MAFG: variants seen among roughly 807,000 people sequenced by gnomAD.
MAFG encodes the protein MAF bZIP transcription factor G, also known as transcription factor MafG.
MAFG carries 3 observed loss-of-function variants against 12.2 expected under a neutral mutation model. That is an observed-to-expected ratio of 0.25 (90% CI 0.11 to 0.64). The LOEUF is 0.64. MAFG is among the 30% of genes least tolerant of loss of function. The probability of loss-of-function intolerance (pLI) is 0.85; values close to 1 mark genes in which losing one functional copy is unlikely to be tolerated. For missense variants in MAFG, 153 were observed against 235.5 expected, an observed-to-expected ratio of 0.65 and a Z score of 2.29; for synonymous variants, 126 against 109.1, an observed-to-expected ratio of 1.15 and a Z score of -0.96.
rs770074111 is a variant in MAFG at position 81,922,842 on chromosome 17, C to T, written c.252G>A (p.Ala84=). Residue 84 remains alanine (A), a synonymous_variant, in exon 3 of 3, where the codon GCG becomes GCA. Coordinates refer to ENST00000357736, the MANE Select transcript of MAFG (RefSeq NM_002359.4). ...GCTTCTCCACCTCCTGCTGCAGCTC[C>T]GCCTTCTGCTTCTCCAGCTCCTCCT... is the stretch of plus-strand genomic sequence containing the variant. ...TQKEELEKQK[A]ELQQEVEKLA... The T allele has an allele frequency of 8.1e-6, 13 of 1,610,390 alleles. No individual in the cohort carries two copies. In the African/African-American group the frequency reaches 1.2e-4, roughly 15 times the overall value.
rs2040887276 is a variant in MAFG, at chr17:81,921,335, A to C, written c.*1270T>G. The C allele has an allele frequency of 6.6e-6, 1 of 152,340 alleles. No individual in the cohort carries two copies. Among genetic ancestry groups the C allele is most frequent in the Non-Finnish European group, 1.5e-5 (1 of 68,102 alleles). 9.4% of individuals were successfully genotyped at this position (152,340 alleles called of 1,614,324 possible). On this transcript the variant is annotated 3_prime_UTR_variant, in exon 3 of 3. Coordinates refer to ENST00000357736, the MANE Select transcript of MAFG (RefSeq NM_002359.4). ...CCAGCAGAAGCAAAAGCACAACTAAACCCAAAAAACGAACACGGGAAAACA... is the reference window on the plus strand; with the variant it reads ...CCAGCAGAAGCAAAAGCACAACTAACCCCAAAAAACGAACACGGGAAAACA...
Position 81,918,273 on chromosome 17 carries a change from C to T in MAFG, c.*4332G>A. The stretch of plus-strand genomic sequence containing the variant: ...GCCCCAAAGAAGCACCTGCCAGTCT[C>T]TTTAAAAGGTTTATTGATCATATAC... On this transcript the variant is annotated 3_prime_UTR_variant, in exon 3 of 3. Transcript: ENST00000357736. The T allele has an allele frequency of 4.5e-6, 3 of 668,934 alleles. No homozygotes were observed. Among genetic ancestry groups the T allele is most frequent in the Non-Finnish European group, 6.9e-6 (3 of 436,378 alleles). 41.4% of individuals were successfully genotyped at this position (668,934 alleles called of 1,614,324 possible).
At chr17:81,923,435 G>A (rs1158421031) in intron 1 of MAFG, 5 of 445,100 alleles carry the variant, frequency 1.1e-5, no homozygotes, top group African/African-American at 2.0e-5. Flanking sequence ...CCAGGTGGGA[G>A]GTCAGGAAGG....
At chr17:81,929,727 C>T (rs1375848497), upstream of MAFG, 1 of 153,132 alleles carries the variant, frequency 6.5e-6, no homozygotes, top group African/African-American at 2.4e-5. This position sits in a 1 kb window ranked among gnomAD's most constrained non-coding sequence, Gnocchi z 5.7. Flanking sequence ...ACACTCATCT[C>T]CACGACCGGC....
chr17:81,918,385 G>C lies in MAFG; in HGVS notation c.*4220C>G, dbSNP rs2040850770. ...GGCCAGGCCCAGTGCTGCCCCTCCT[G>C]GACAATAATTTAGCAATAAATACTG... is the stretch of plus-strand genomic sequence containing the variant. On this transcript the variant is annotated 3_prime_UTR_variant, in exon 3 of 3. Coordinates refer to ENST00000357736, the MANE Select transcript of MAFG (RefSeq NM_002359.4). The C allele has an allele frequency of 3.1e-6, 1 of 318,496 alleles. No homozygotes were observed. Among genetic ancestry groups the C allele is most frequent in the South Asian group, 7.0e-5 (1 of 14,186 alleles). The allele number at this position is 318,496 out of a possible 1,614,324, so 19.7% of individuals were successfully genotyped here. A position where few individuals can be genotyped will look rare whatever the true frequency, so the allele number is the denominator to read the frequency against.
upstream of MAFG, among the ~76,000 whole-genome samples, chr17:81,929,229 G>A (rs145799539): frequency 8.7e-3 from 1,322 of 152,312 alleles, 26 homozygotes; most frequent in African/African-American, 0.03. This position sits in a 1 kb window ranked among gnomAD's most constrained non-coding sequence, Gnocchi z 5.7. Context: ...CTCCTGGGAA[G>A]GAGCCTCAGT....
upstream of MAFG, chr17:81,928,296 CTT>C (rs2143833763): frequency 6.6e-6 from 1 of 152,510 alleles, no homozygotes; most frequent in South Asian, 2.1e-4. The surrounding 1 kb of genome is among the most constrained non-coding windows in gnomAD (Gnocchi z 8.1). Flanking sequence ...CCGGGGGAGA[CTT>C]CGCTGCTTGT....
rs1253358938 is a variant in MAFG at position 81,918,604 on chromosome 17, C to CT, written c.*4000dup. Reference sequence around the variant, plus strand: ...CTCCCACACACACAACCTCCCCTGGCTAGACCTAGGCAGGGCAGGCAGGGA... The same window carrying CT: ...CTCCCACACACACAACCTCCCCTGGCTTAGACCTAGGCAGGGCAGGCAGGGA... On this transcript the variant is annotated 3_prime_UTR_variant, in exon 3 of 3. Transcript: ENST00000357736. 6.5e-6 allele frequency: 1 copy of CT among 153,694 alleles called. No individual in the cohort carries two copies. The allele number at this position is 153,694 out of a possible 1,614,324, so 9.5% of individuals were successfully genotyped here. A position where few individuals can be genotyped will look rare whatever the true frequency, so the allele number is the denominator to read the frequency against.
At position 81,925,779 on chromosome 17, in the gene MAFG, G is replaced by GC. The variant is rs1461411970; in HGVS notation, c.-30+1748dup. Among the ~76,000 whole-genome samples, 3 of 145,574 alleles carry GC rather than the reference G, an allele frequency of 2.1e-5. No individual in the cohort carries two copies. The South Asian group carries it at 6.5e-4, about 31-fold the overall frequency. ...GCTGAGATCGCGCCACTGCACTCCA[G>GC]CCTGGGCAAAAGAGTGAGACTCCGT... On this transcript the variant is annotated intron_variant, in intron 1 of 2. Coordinates refer to ENST00000357736, the MANE Select transcript of MAFG (RefSeq NM_002359.4).
rs2040895100 is a variant in MAFG at position 81,921,977 on chromosome 17, A to G, written c.*628T>C. ...CTGGACCCACCCTCACGTTAAGCGC[A>G]CAACCAGAGATTTGGTCTTGTTCAG... On this transcript the variant is annotated 3_prime_UTR_variant, in exon 3 of 3. Transcript: ENST00000357736. 1 of 152,232 alleles carries G rather than the reference A, an allele frequency of 6.6e-6. No homozygotes were observed. The highest frequency in any genetic ancestry group is 2.4e-5 in the African/African-American group (1 of 41,452). 9.4% of individuals were successfully genotyped at this position (152,232 alleles called of 1,614,324 possible).
intron 2 of MAFG, 38 bp downstream of exon 2, chr17:81,923,112 C>A (rs775335488): frequency 1.2e-6 from 2 of 1,611,504 alleles, no homozygotes; most frequent in East Asian, 2.2e-5. Context: ...CTGTGCCCCC[C>A]GACCCCAGCC....
chr17:81,929,841 G>A (rs866143268), upstream of MAFG: 352 of 148,786 alleles, frequency 2.4e-3, 4 homozygotes, highest in Non-Finnish European at 2.9e-4. This position sits in a 1 kb window ranked among gnomAD's most constrained non-coding sequence, Gnocchi z 5.7. Context: ...GGCACCTCCC[G>A]GGCATCCTCC....
upstream of MAFG, chr17:81,928,512 GGCCCCAAA>G (rs1225173325): frequency 6.6e-6 from 1 of 152,196 alleles, no homozygotes; most frequent in Non-Finnish European, 1.5e-5. The surrounding 1 kb of genome is among the most constrained non-coding windows in gnomAD (Gnocchi z 8.1). Flanking sequence ...TGAACAGGCC[GGCCCCAAA>G]GTCCCGAAGC....
In MAFG at chr17:81,918,417, G is replaced by A. The variant is rs974222686; in HGVS notation, c.*4188C>T. On this transcript the variant is annotated 3_prime_UTR_variant, in exon 3 of 3. Coordinates refer to ENST00000357736, the MANE Select transcript of MAFG (RefSeq NM_002359.4). ...AATTTAGCAATAAATACTGCGCAGGGCAGGGGTAGGGCACCAAGGCCACTG... is the reference window on the plus strand; with the variant it reads ...AATTTAGCAATAAATACTGCGCAGGACAGGGGTAGGGCACCAAGGCCACTG... 3.0e-5 allele frequency: 7 copies of A among 233,720 alleles called. No individual in the cohort carries two copies. Among genetic ancestry groups the A allele is most frequent in the African/African-American group, 1.4e-4 (6 of 43,828 alleles). 14.5% of individuals were successfully genotyped at this position (233,720 alleles called of 1,614,324 possible). A position where few individuals can be genotyped will look rare whatever the true frequency, so the allele number is the denominator to read the frequency against.
At chr17:81,931,148 G>A (rs1328257420), upstream of MAFG, among the ~76,000 whole-genome samples, 1 of 152,180 alleles carries the variant, frequency 6.6e-6, no homozygotes, top group East Asian at 1.9e-4. Context: ...CAGTGGGAAA[G>A]CTCCTAGGGC....
Position 81,918,276 on chromosome 17 carries a change from T to C in MAFG, c.*4329A>G. ...CCAAAGAAGCACCTGCCAGTCTCTT[T>C]AAAAGGTTTATTGATCATATACAAA... is the stretch of plus-strand genomic sequence containing the variant. On this transcript the variant is annotated 3_prime_UTR_variant, in exon 3 of 3. Coordinates refer to ENST00000357736, the MANE Select transcript of MAFG (RefSeq NM_002359.4). The C allele has an allele frequency of 4.6e-6, 3 of 654,254 alleles. No homozygotes were observed. Among genetic ancestry groups the C allele is most frequent in the East Asian group, 3.5e-5 (1 of 28,774 alleles). The allele number at this position is 654,254 out of a possible 1,614,324, so 40.5% of individuals were successfully genotyped here.
intron 1 of MAFG, among the ~76,000 whole-genome samples, chr17:81,925,183 G>C (rs2040929384): frequency 1.3e-5 from 2 of 151,658 alleles, no homozygotes; most frequent in Non-Finnish European, 2.9e-5. Context: ...GGCAGAGCTG[G>C]GGCCTGTCAT....
In MAFG at chr17:81,922,583, C is replaced by A; in HGVS notation, c.*22G>T. ...ATGTGCCTAGTGGCCCCGCAAAGAC[C>A]CGCCTGGGCAGACGCGCGTCCCTAC... On this transcript the variant is annotated 3_prime_UTR_variant, in exon 3 of 3. Coordinates refer to ENST00000357736, the MANE Select transcript of MAFG (RefSeq NM_002359.4). 1 of 1,431,094 alleles carries A rather than the reference C, an allele frequency of 7.0e-7. No individual in the cohort carries two copies. The allele number at this position is 1,431,094 out of a possible 1,614,324, so 88.6% of individuals were successfully genotyped here. A position where few individuals can be genotyped will look rare whatever the true frequency, so the allele number is the denominator to read the frequency against.
chr17:81,927,194 T>C (rs1307733813), intron 1 of MAFG, among the ~76,000 whole-genome samples: 1 of 149,810 alleles, frequency 6.7e-6, no homozygotes, highest in Non-Finnish European at 1.5e-5. Context: ...GACCCCACCC[T>C]TTCCTCCCGC....
Sources: allele counts gnomAD v4.1 joint callset (sites outside exome capture counted in the v4.1 genomes callset), GRCh38; gene constraint gnomAD v4.1.1; non-coding constraint Gnocchi (gnomAD v3.1); transcripts MANE v1.5; gene names NCBI Gene and HGNC (gene_info 2026-07-23, HGNC 2026-07-21).